The following SNCAIP variants were observed in gnomAD, a reference collection of about 807,000 sequenced individuals.
SNCAIP encodes the protein synuclein alpha interacting protein.
Under a neutral mutation model 86.7 loss-of-function variants are expected in SNCAIP, and 43 were observed. That is an observed-to-expected ratio of 0.50 (90% confidence interval 0.39 to 0.64). The LOEUF (loss-of-function observed/expected upper bound fraction) is 0.64, where lower values mean the gene tolerates loss of function less well. SNCAIP is among the 30% of genes least tolerant of loss of function. The pLI is 0.00. For missense variants in SNCAIP, 981 were observed against 1,103.1 expected, an observed-to-expected ratio of 0.89 and a Z score of 1.57; for synonymous variants, 417 against 427.2, an observed-to-expected ratio of 0.98 and a Z score of 0.29.
chr5:122,403,261 A>T (rs989598088), intron 2 of SNCAIP, among the ~76,000 whole-genome samples: 1 of 152,130 alleles, frequency 6.6e-6, no homozygotes, highest in Non-Finnish European at 1.5e-5. Flanking sequence ...GGTATTTCCC[A>T]TGGAGATAAT....
chr5:122,402,189 A>G (rs1008604408), intron 2 of SNCAIP, among the ~76,000 whole-genome samples: 1 of 152,172 alleles, frequency 6.6e-6, no homozygotes, highest in African/African-American at 2.4e-5. Context: ...AGACTGTGTA[A>G]TTATCTAACT....
At chr5:122,406,527 G>A (rs1159150218) in intron 3 of SNCAIP, among the ~76,000 whole-genome samples, 3 of 152,114 alleles carry the variant, frequency 2.0e-5, no homozygotes, top group African/African-American at 7.2e-5. Context: ...GCGGTGCCTG[G>A]TGGGAGGTGA....
intron 5 of SNCAIP, 39 bp downstream of exon 5, chr5:122,425,570 T>G (rs1319036155): frequency 6.5e-6 from 10 of 1,547,472 alleles, no homozygotes; most frequent in Non-Finnish European, 8.9e-6. Flanking sequence ...AGCTAGAAGC[T>G]GGATTTCTAT....
At chr5:122,390,105 G>T (rs1769034181) in intron 1 of SNCAIP, among the ~76,000 whole-genome samples, 1 of 152,118 alleles carries the variant, frequency 6.6e-6, no homozygotes, top group African/African-American at 2.4e-5. Flanking sequence ...GGTACATCTT[G>T]ATTAGACAAT....
intron 2 of SNCAIP, among the ~76,000 whole-genome samples, chr5:122,398,414 T>C (rs1289814550): frequency 6.6e-6 from 1 of 152,154 alleles, no homozygotes; most frequent in Admixed American, 6.6e-5. Context: ...GAAGTCTTCC[T>C]GAACTGGAAG....
chr5:122,315,865 G>A (rs2152647466), intron 1 of SNCAIP, among the ~76,000 whole-genome samples: 1 of 152,288 alleles, frequency 6.6e-6, no homozygotes, highest in Non-Finnish European at 1.5e-5. Context: ...AAATTGGAAA[G>A]GGGTCGATCT....
chr5:122,422,807 T>C, intron 3 of SNCAIP, 61 bp from the exon 4 acceptor site: 2 of 1,379,168 alleles, frequency 1.5e-6, no homozygotes, highest in Non-Finnish European at 2.1e-6. Context: ...TCTACCTGCA[T>C]AGCCAAGATG....
intron 1 of SNCAIP, among the ~76,000 whole-genome samples, chr5:122,338,038 T>C (rs557150911): frequency 2.6e-5 from 4 of 152,216 alleles, no homozygotes; most frequent in Admixed American, 6.5e-5. Context: ...TCACATATAT[T>C]CTTTGATACA....
intron 2 of SNCAIP, among the ~76,000 whole-genome samples, chr5:122,396,034 T>C (rs1257140043): frequency 6.6e-6 from 1 of 152,122 alleles, no homozygotes; most frequent in Non-Finnish European, 1.5e-5. Context: ...ATATGGAAAC[T>C]TTGTTTAGTG....
At chr5:122,357,045 C>A (rs1761152079) in intron 1 of SNCAIP, among the ~76,000 whole-genome samples, 1 of 152,110 alleles carries the variant, frequency 6.6e-6, no homozygotes, top group Non-Finnish European at 1.5e-5. Context: ...TCTCTGACTG[C>A]CTCCTGATAC....
At chr5:122,337,880 G>T (rs1469233472) in intron 1 of SNCAIP, among the ~76,000 whole-genome samples, 1 of 152,172 alleles carries the variant, frequency 6.6e-6, no homozygotes, top group African/African-American at 2.4e-5. Context: ...AAATAGAAAA[G>T]GTTCTCTTGT....
intron 1 of SNCAIP, among the ~76,000 whole-genome samples, chr5:122,337,115 C>T (rs946264892): frequency 5.9e-5 from 9 of 152,256 alleles, no homozygotes; most frequent in Admixed American, 2.0e-4. Context: ...ATGCTTGATT[C>T]CCCCTCCAAT....
At chr5:122,459,839 C>T (rs1257898376) in intron 10 of SNCAIP, among the ~76,000 whole-genome samples, 1 of 152,068 alleles carries the variant, frequency 6.6e-6, no homozygotes, top group Non-Finnish European at 1.5e-5. Flanking sequence ...ACTGGATGTG[C>T]CCTGTGCCAA....
intron 2 of SNCAIP, among the ~76,000 whole-genome samples, chr5:122,396,457 G>A (rs1478580269): frequency 6.6e-6 from 1 of 152,204 alleles, no homozygotes; most frequent in East Asian, 1.9e-4. Context: ...CTTTTACTCT[G>A]CAGATAGTCC....
chr5:122,343,106 C>G (rs1757918730), intron 1 of SNCAIP, among the ~76,000 whole-genome samples: 2 of 152,236 alleles, frequency 1.3e-5, no homozygotes, highest in African/African-American at 4.8e-5. Flanking sequence ...GTCCTCATAC[C>G]AACCAGATTT....
intron 1 of SNCAIP, among the ~76,000 whole-genome samples, chr5:122,334,364 C>T (rs1466154841): frequency 3.3e-5 from 5 of 152,088 alleles, no homozygotes; most frequent in African/African-American, 4.8e-5. Context: ...ACCCTGGGAA[C>T]CTCAGATTCA....
intron 1 of SNCAIP, among the ~76,000 whole-genome samples, chr5:122,327,254 T>A (rs1025992638): frequency 2.6e-5 from 4 of 152,112 alleles, no homozygotes; most frequent in Admixed American, 2.6e-4. Flanking sequence ...TCCTAATGGA[T>A]CATACTGGAA....
chr5:122,454,943 C>G (rs1023638545), intron 10 of SNCAIP, among the ~76,000 whole-genome samples: 1 of 152,170 alleles, frequency 6.6e-6, no homozygotes, highest in Non-Finnish European at 1.5e-5. Flanking sequence ...ACTCAGTTAT[C>G]TGATGCTAGG....
chr5:122,403,763 A>T, intron 2 of SNCAIP, 30 bp from the exon 3 acceptor site: 1 of 1,562,518 alleles, frequency 6.4e-7, no homozygotes, highest in Non-Finnish European at 8.8e-7. Flanking sequence ...AAATTATTTT[A>T]TGCCCTCTCT....
Sources: allele counts gnomAD v4.1 joint callset (sites outside exome capture counted in the v4.1 genomes callset), GRCh38; gene constraint gnomAD v4.1.1; transcripts MANE v1.5; gene names NCBI Gene and HGNC (gene_info 2026-07-23, HGNC 2026-07-21).